TPP2: variants seen among roughly 807,000 people sequenced by gnomAD.
TPP2 encodes tripeptidyl-peptidase 2.
TPP2 carries 34 observed loss-of-function variants against 155.9 expected under a neutral mutation model. The ratio of observed to expected loss-of-function variants is 0.22; its 90% CI spans 0.17 to 0.29. The LOEUF (loss-of-function observed/expected upper bound fraction) is 0.29, where lower values mean the gene tolerates loss of function less well. Ranked by LOEUF, TPP2 falls within the 10% of genes least tolerant of loss-of-function variation. The probability of loss-of-function intolerance (pLI) is 1.00; values close to 1 mark genes in which losing one functional copy is unlikely to be tolerated. For missense variants in TPP2, 1,028 were observed against 1,522.3 expected (o/e 0.68, Z 5.40); for synonymous variants, 510 against 529.4 (o/e 0.96, Z 0.50).
chr13:102,604,712 C>T (rs1456203698), intron 1 of TPP2, 81 bp from the exon 2 acceptor site: 6 of 1,441,052 alleles, frequency 4.2e-6, no homozygotes, highest in Non-Finnish European at 5.6e-6. Flanking sequence ...TATATACACA[C>T]ACATATATAT....
At chr13:102,607,924 C>A in intron 2 of TPP2, 1 of 179,220 alleles carries the variant, frequency 5.6e-6, no homozygotes. Flanking sequence ...GTAATCCCGG[C>A]TTTAGATAAA....
Position 102,647,291 on chromosome 13 carries a change from A to T in TPP2, c.2575A>T (p.Ile859Phe). ...TGAATTTGACAGCCAACTGTGGATT[A>T]TTTTTGACCAGAACAAAAGACAGAT... ...ESEFDSQLWI[I>F]FDQNKRQMGS... The change falls in exon 21 of 30, where the codon ATT (isoleucine) becomes TTT (phenylalanine). Residue 859 changes from isoleucine to phenylalanine, a missense_variant. Ile to Phe is a conservative substitution (Grantham distance 21). Coordinates refer to ENST00000376052, the MANE Select transcript of TPP2 (RefSeq NM_001330588.2). 2.5e-6 allele frequency: 4 copies of T among 1,613,924 alleles called. No individual in the cohort carries two copies. Among genetic ancestry groups the T allele is most frequent in the Non-Finnish European group, 3.4e-6 (4 of 1,179,934 alleles).
intron 7 of TPP2, 54 bp from the exon 8 acceptor site, chr13:102,627,794 C>A: frequency 1.5e-6 from 2 of 1,330,466 alleles, no homozygotes; most frequent in Non-Finnish European, 2.1e-6. Flanking sequence ...ATTTTACTGG[C>A]TAATCTGTTT....
intron 3 of TPP2, among the ~76,000 whole-genome samples, chr13:102,615,158 A>G (rs180758260): frequency 1.3e-5 from 2 of 152,344 alleles, no homozygotes; most frequent in African/African-American, 4.8e-5. Context: ...TCTGCAAAAC[A>G]AACAAGAATA....
chr13:102,669,997 AT>A (rs1879602004), intron 27 of TPP2, among the ~76,000 whole-genome samples: 2 of 152,146 alleles, frequency 1.3e-5, no homozygotes, highest in Non-Finnish European at 2.9e-5. Flanking sequence ...AACCATATTG[AT>A]TGGCTGAGCA....
At chr13:102,663,510 G>C in intron 25 of TPP2, 138 bp from the exon 26 acceptor site, 6 of 588,780 alleles carry the variant, frequency 1.0e-5, no homozygotes, top group Admixed American at 3.9e-5. Flanking sequence ...GATAATCCTT[G>C]TCAATGACTA....
chr13:102,658,600 T>A (rs630272), intron 25 of TPP2, among the ~76,000 whole-genome samples: 75,451 of 152,072 alleles, frequency 0.5, 19,117 homozygotes, highest in African/African-American at 0.6. Flanking sequence ...CAAAGGACAT[T>A]GAGCAAATGA....
chr13:102,604,446 TACTTTGTTATTA>T (rs1879662396), intron 1 of TPP2, among the ~76,000 whole-genome samples: 2 of 152,236 alleles, frequency 1.3e-5, no homozygotes, highest in South Asian at 4.1e-4. Flanking sequence ...TTCTTTATTT[TACTTTGTTATTA>T]ACTGAACTGC....
intron 2 of TPP2, among the ~76,000 whole-genome samples, chr13:102,611,990 C>T (rs1370745194): frequency 6.6e-6 from 1 of 152,124 alleles, no homozygotes; most frequent in African/African-American, 2.4e-5. Context: ...TTGGATGCTT[C>T]CCCGACTTCC....
chr13:102,638,165 A>G, intron 14 of TPP2, 74 bp from the exon 15 acceptor site: 1 of 1,344,206 alleles, frequency 7.4e-7, no homozygotes, highest in Non-Finnish European at 1.1e-6. Context: ...TTATTCTGTC[A>G]GTAGTTTAGA....
intron 27 of TPP2, among the ~76,000 whole-genome samples, chr13:102,669,911 G>A (rs925670627): frequency 1.3e-5 from 2 of 152,150 alleles, no homozygotes; most frequent in African/African-American, 4.8e-5. Context: ...ACTGCACACA[G>A]GGTGGGCTTG....
Position 102,643,231 on chromosome 13 carries a change from T to C in TPP2, c.2030T>C (p.Val677Ala). 6.3e-7 allele frequency: 1 copy of C among 1,597,220 alleles called. No individual in the cohort carries two copies. The highest frequency in any genetic ancestry group is 1.7e-4 in the Middle Eastern group (1 of 5,988). ...TTCTTTCTTATTTTAGAAGTGACAG[T>C]GTGTTCGTGTTCTTCTGAGGTGTCA... is the stretch of plus-strand genomic sequence containing the variant. ...PEGATWAEVTVCSCSSEVSAK... is the reference protein window; with the variant it reads ...PEGATWAEVTACSCSSEVSAK... The change falls in exon 17 of 30, where the codon GTG (valine) becomes GCG (alanine). Residue 677 changes from valine (V) to alanine (A), a missense_variant. This residue lies in a region of TPP2 where 325 missense variants were observed against 463.7 expected (regional missense o/e 0.70). Coordinates refer to ENST00000376052, the MANE Select transcript of TPP2 (RefSeq NM_001330588.2).
At chr13:102,677,693 T>G (rs1397971577) in intron 29 of TPP2, among the ~76,000 whole-genome samples, 1 of 152,250 alleles carries the variant, frequency 6.6e-6, no homozygotes, top group Non-Finnish European at 1.5e-5. Context: ...GAGTATCACC[T>G]CCATAGAGAT....
chr13:102,649,209 T>C (rs1883338883), intron 22 of TPP2, 58 bp downstream of exon 22: 8 of 1,529,378 alleles, frequency 5.2e-6, no homozygotes, highest in Non-Finnish European at 7.0e-6. Flanking sequence ...GTCCTTTTAA[T>C]GTCAGTTTAT....
At chr13:102,624,609 T>C (rs1282848894) in intron 6 of TPP2, among the ~76,000 whole-genome samples, 2 of 152,058 alleles carry the variant, frequency 1.3e-5, no homozygotes, top group East Asian at 3.9e-4. Flanking sequence ...AAAAATATGG[T>C]TTTCTTTCCT....
At chr13:102,604,365 A>G (rs893600180) in intron 1 of TPP2, among the ~76,000 whole-genome samples, 4 of 152,124 alleles carry the variant, frequency 2.6e-5, no homozygotes, top group Non-Finnish European at 4.4e-5. Flanking sequence ...ATTTTTCTCC[A>G]TAGTTAATTT....
chr13:102,611,026 T>G (rs895317359), intron 2 of TPP2, among the ~76,000 whole-genome samples: 1 of 152,356 alleles, frequency 6.6e-6, no homozygotes, highest in Admixed American at 6.5e-5. Flanking sequence ...GTTTTGAACT[T>G]TACATAAACA....
intron 2 of TPP2, among the ~76,000 whole-genome samples, chr13:102,609,957 C>T (rs187098459): frequency 6.6e-6 from 1 of 152,268 alleles, no homozygotes; most frequent in East Asian, 1.9e-4. Context: ...AATGGGAGTG[C>T]TCTTATACAA....
intron 7 of TPP2, 83 bp from the exon 8 acceptor site, chr13:102,627,765 G>C (rs920546984): frequency 8.3e-6 from 8 of 963,534 alleles, no homozygotes; most frequent in Non-Finnish European, 8.0e-6. Context: ...AGAAACTATA[G>C]GATTATATAT....
Sources: gnomAD v4.1 joint callset for allele counts (sites outside exome capture counted in the v4.1 genomes callset) on GRCh38, gnomAD v4.1.1 for gene constraint, gnomAD v4.1.1 regional missense constraint, MANE v1.5 for transcripts, NCBI Gene and HGNC (gene_info 2026-07-23, HGNC 2026-07-21) for gene names.